The following GPM6B variants were observed in gnomAD, a reference collection of about 807,000 sequenced individuals.
GPM6B encodes neuronal membrane glycoprotein M6-b.
In GPM6B, 4 loss-of-function variants were observed where a neutral mutation model predicts 27.2. The ratio of observed to expected loss-of-function variants is 0.15; its 90% confidence interval spans 0.07 to 0.34. The LOEUF is 0.34. Ranked by LOEUF, GPM6B falls within the 10% of genes least tolerant of loss-of-function variation. The pLI is 1.00. For missense variants in GPM6B, 183 were observed against 261.9 expected, an observed-to-expected ratio of 0.70 and a Z score of 2.08; for synonymous variants, 124 against 103.1, an observed-to-expected ratio of 1.20 and a Z score of -1.23.
At chrX:13,786,130 G>A (rs1307140250) in intron 2 of GPM6B, among the ~76,000 whole-genome samples, 1 of 112,513 alleles carries the variant, frequency 8.9e-6, no homozygotes, top group Non-Finnish European at 1.9e-5. Context: ...ACTGAGTGGT[G>A]GGGGGAGCCC....
chrX:13,905,893 A>C (rs933058350), intron 1 of GPM6B, among the ~76,000 whole-genome samples: 5 of 108,725 alleles, frequency 4.6e-5, no homozygotes, highest in Admixed American at 2.0e-4. Flanking sequence ...AAAAAAAAAA[A>C]CCCTCTGAAT....
chrX:13,804,435 G>A lies in GPM6B; in HGVS notation c.181+3215C>T, dbSNP rs865895042. Among the ~76,000 whole-genome samples, 17 of 90,946 alleles carry A rather than the reference G, an allele frequency of 1.9e-4. 1 individual carries two copies. Among genetic ancestry groups the A allele is most frequent in the Non-Finnish European group, 3.6e-4 (17 of 46,632 alleles). The allele number at this position is 90,946 out of a possible 115,157, so 79.0% of individuals were successfully genotyped here. A position where few individuals can be genotyped will look rare whatever the true frequency, so the allele number is the denominator to read the frequency against. Reference sequence around the variant, plus strand: ...TGGACGGCGGGGGGGGCGGGGGGCGGGGGTAGCCCATGTGGTCATACATCA... The same window carrying A: ...TGGACGGCGGGGGGGGCGGGGGGCGAGGGTAGCCCATGTGGTCATACATCA... On this transcript the variant is annotated intron_variant, in intron 2 of 7. Transcript: ENST00000316715.
chrX:13,924,261 T>C (rs1921064705), intron 1 of GPM6B, among the ~76,000 whole-genome samples: 1 of 112,306 alleles, frequency 8.9e-6, no homozygotes, highest in Admixed American at 9.5e-5. Flanking sequence ...CTCAGTCTAA[T>C]AAGTATTTGG....
chrX:13,837,713 G>T (rs1443289365), intron 1 of GPM6B, among the ~76,000 whole-genome samples: 4 of 63,770 alleles, frequency 6.3e-5, no homozygotes, highest in African/African-American at 2.7e-4. Flanking sequence ...AAGTTGGTGG[G>T]GGGGGGGGGG....
At chrX:13,918,562 T>C (rs1301891213) in intron 1 of GPM6B, among the ~76,000 whole-genome samples, 2 of 112,310 alleles carry the variant, frequency 1.8e-5, no homozygotes, top group East Asian at 5.6e-4. Context: ...CTTTCTCACT[T>C]ATTGTATTAG....
intron 2 of GPM6B, among the ~76,000 whole-genome samples, chrX:13,795,206 T>C (rs2048787555): frequency 8.9e-6 from 1 of 112,267 alleles, no homozygotes; most frequent in African/African-American, 3.2e-5. Flanking sequence ...AGAGAACCAA[T>C]ATTTTCCAAA....
chrX:13,812,544 T>C (rs1306083172), intron 1 of GPM6B, among the ~76,000 whole-genome samples: 1 of 111,591 alleles, frequency 9.0e-6, no homozygotes, highest in Admixed American at 9.5e-5. Context: ...AGAGTGTCTT[T>C]GTAACAATCC....
At chrX:13,796,697 AAGCTTGTC>A (rs1440728487) in intron 2 of GPM6B, among the ~76,000 whole-genome samples, 1 of 112,688 alleles carries the variant, frequency 8.9e-6, no homozygotes, top group Admixed American at 9.4e-5. Flanking sequence ...GTCCTTTTAG[AAGCTTGTC>A]CTAAAATCTG....
At chrX:13,812,532 C>T (rs1364889930) in intron 1 of GPM6B, among the ~76,000 whole-genome samples, 1 of 111,546 alleles carries the variant, frequency 9.0e-6, no homozygotes, top group Non-Finnish European at 1.9e-5. Context: ...GAGAAAAAAG[C>T]GAGAGTGTCT....
At chrX:13,821,792 T>C (rs1569235901), upstream of GPM6B, among the ~76,000 whole-genome samples, 1 of 110,666 alleles carries the variant, frequency 9.0e-6, no homozygotes, top group Non-Finnish European at 1.9e-5. Flanking sequence ...ACGGCGTTTC[T>C]CCACGTTGGT....
At chrX:13,783,686 C>T (rs2048559381) in intron 3 of GPM6B, 165 bp from the exon 4 acceptor site, 1 of 477,190 alleles carries the variant, frequency 2.1e-6, no homozygotes, top group Admixed American at 3.1e-5. Context: ...GGCATCCCTG[C>T]CCATGTCCCA....
chrX:13,885,041 T>C (rs2050121874), intron 1 of GPM6B, among the ~76,000 whole-genome samples: 1 of 111,827 alleles, frequency 8.9e-6, no homozygotes, highest in Non-Finnish European at 1.9e-5. Context: ...ATATGTCACC[T>C]CATCGAGGGA....
intron 1 of GPM6B, among the ~76,000 whole-genome samples, chrX:13,938,072 C>T (rs781610874): frequency 9.1e-6 from 1 of 109,816 alleles, no homozygotes; most frequent in South Asian, 4.3e-4. Context: ...AACAGAAGCA[C>T]GGCGGGGCGG....
At chrX:13,871,084 C>CAAA (rs200103603) in intron 1 of GPM6B, among the ~76,000 whole-genome samples, 2 of 57,664 alleles carry the variant, frequency 3.5e-5, no homozygotes. Flanking sequence ...AAAACAAAAA[C>CAAA]AAAACAAAAC....
At chrX:13,879,952 T>A (rs2050077453) in intron 1 of GPM6B, among the ~76,000 whole-genome samples, 1 of 112,013 alleles carries the variant, frequency 8.9e-6, no homozygotes, top group African/African-American at 3.2e-5. Context: ...TAGTACTACC[T>A]GAAAATTAGC....
At chrX:13,897,716 C>T (rs1274418789) in intron 1 of GPM6B, among the ~76,000 whole-genome samples, 1 of 111,663 alleles carries the variant, frequency 9.0e-6, no homozygotes, top group African/African-American at 3.3e-5. Flanking sequence ...ATTCAGAAGG[C>T]CAAAGGAATG....
chrX:13,786,727 C>T (rs190720504), intron 2 of GPM6B, among the ~76,000 whole-genome samples: 3 of 111,132 alleles, frequency 2.7e-5, no homozygotes, highest in African/African-American at 6.5e-5. Flanking sequence ...GAGAGACAGC[C>T]GTAAGTCACT....
chrX:13,808,856 T>G (rs1569222365), intron 1 of GPM6B, among the ~76,000 whole-genome samples: 1 of 111,944 alleles, frequency 8.9e-6, no homozygotes, highest in Non-Finnish European at 1.9e-5. Context: ...TGAAAACTTG[T>G]AAGGTATTTC....
rs773748034 is a variant in GPM6B, at chrX:13,772,858, G to A, written c.*23C>T. The stretch of plus-strand genomic sequence containing the variant: ...GATTTGTCAGAGCTGTAAATACGTC[G>A]GCCGAAACACTCTGGCAAACATTTA... On this transcript the variant is annotated 3_prime_UTR_variant, in exon 8 of 8. Coordinates refer to ENST00000316715, the MANE Select transcript of GPM6B (RefSeq NM_001001995.3). 15 of 1,201,058 alleles carry A rather than the reference G, an allele frequency of 1.2e-5. No homozygotes were observed. The highest frequency in any genetic ancestry group is 5.9e-5 in the East Asian group (2 of 33,745).
Sources: gnomAD v4.1 joint callset for allele counts (sites outside exome capture counted in the v4.1 genomes callset) on GRCh38, gnomAD v4.1.1 for gene constraint, MANE v1.5 for transcripts, NCBI Gene and HGNC (gene_info 2026-07-23, HGNC 2026-07-21) for gene names.